Variants in NCAM2 observed in about 807,000 individuals in gnomAD.
NCAM2 encodes the protein N-CAM-2.
In NCAM2, 30 loss-of-function variants were observed where a neutral mutation model predicts 98.1. The observed-to-expected ratio is 0.31, with a 90% CI of 0.23 to 0.41. NCAM2 has a LOEUF of 0.41. Ranked by LOEUF, NCAM2 falls within the 10% of genes least tolerant of loss-of-function variation. NCAM2 has a pLI of 1.00. For missense variants in NCAM2, 867 were observed against 1,005.8 expected (o/e 0.86, Z 1.87); for synonymous variants, 368 against 342.4 (o/e 1.07, Z -0.83).
chr21:21,220,397 CG>C (rs1158260628), intron 1 of NCAM2, among the ~76,000 whole-genome samples: 1 of 151,934 alleles, frequency 6.6e-6, no homozygotes, highest in Non-Finnish European at 1.5e-5. Context: ...TGTAGTATTC[CG>C]TACAATAATA....
chr21:21,172,520 G>A (rs1290141410), intron 1 of NCAM2, among the ~76,000 whole-genome samples: 1 of 151,976 alleles, frequency 6.6e-6, no homozygotes. Context: ...CATGTACATT[G>A]CATATTGCAT....
rs1214721154 is a variant in NCAM2, at chr21:21,418,530, A to T, written c.1441A>T (p.Ile481Leu). Reference sequence around the variant, plus strand: ...CTATAATTGCACAGCCACTAATCATATAGGAACAAGATTTCAAGAATATAT... The same window carrying T: ...CTATAATTGCACAGCCACTAATCATTTAGGAACAAGATTTCAAGAATATAT... ...GRYNCTATNHIGTRFQEYILA... is the reference protein window; with the variant it reads ...GRYNCTATNHLGTRFQEYILA... The change falls in exon 11 of 18, where the codon ATA becomes TTA. Residue 481 changes from isoleucine to leucine, a missense_variant. Transcript: ENST00000400546. 6.2e-7 allele frequency: 1 copy of T among 1,612,480 alleles called. No individual in the cohort carries two copies. Among genetic ancestry groups the T allele is most frequent in the Non-Finnish European group, 8.5e-7 (1 of 1,178,676 alleles).
rs147226401 is a variant in NCAM2 at position 21,358,041 on chromosome 21, A to G, written c.1045-15822A>G. Among the ~76,000 whole-genome samples the G allele has an allele frequency of 4.7e-4, 71 of 152,274 alleles. No homozygotes were observed. In the Middle Eastern group the frequency reaches 0.017, roughly 36 times the overall value. On this transcript the variant is annotated intron_variant, in intron 8 of 17. Transcript: ENST00000400546. Reference sequence around the variant, plus strand: ...GAATTTGCAACAGAGATTATAGATAATAGCATGCATTACATTCCAAACAAG... The same window carrying G: ...GAATTTGCAACAGAGATTATAGATAGTAGCATGCATTACATTCCAAACAAG...
intron 1 of NCAM2, among the ~76,000 whole-genome samples, chr21:21,238,909 G>C (rs533034785): frequency 6.6e-6 from 1 of 152,104 alleles, no homozygotes; most frequent in Non-Finnish European, 1.5e-5. Context: ...TCTTCTCAGA[G>C]CAATTCCCCT....
intron 11 of NCAM2, among the ~76,000 whole-genome samples, chr21:21,422,374 G>A (rs1295587108): frequency 1.3e-5 from 2 of 152,014 alleles, no homozygotes; most frequent in African/African-American, 4.8e-5. Context: ...TCTAGTGATG[G>A]ATACACTAAA....
chr21:21,298,378 T>A (rs895995631), intron 5 of NCAM2, among the ~76,000 whole-genome samples: 2 of 44 alleles, frequency 0.045, no homozygotes, highest in African/African-American at 0.14. Context: ...TAATATACAA[T>A]ATATAAATTT....
rs189620246 is a variant in NCAM2, at chr21:21,040,102, C to A, written c.55+41484C>A. 1.4e-3 allele frequency among the ~76,000 whole-genome samples: 209 copies of A among 152,258 alleles called. 1 individual carries two copies. Among genetic ancestry groups the A allele is most frequent in the African/African-American group, 5.0e-3 (208 of 41,546 alleles). ...TTCTGTCATACCACAACGTTATTTACTCCTCTTACTAGGCTAACAGCTGCC... is the reference window on the plus strand; with the variant it reads ...TTCTGTCATACCACAACGTTATTTAATCCTCTTACTAGGCTAACAGCTGCC... On this transcript the variant is annotated intron_variant, in intron 1 of 17. Coordinates refer to ENST00000400546, the MANE Select transcript of NCAM2 (RefSeq NM_004540.5).
chr21:21,531,923 C>T (rs1361981016), intron 16 of NCAM2, among the ~76,000 whole-genome samples: 39 of 166 alleles, frequency 0.23, 1 homozygote, highest in African/African-American at 0.37. Context: ...AACCCAGGAG[C>T]GGAGCTTGGC....
intron 1 of NCAM2, among the ~76,000 whole-genome samples, chr21:21,082,101 G>A (rs1282476254): frequency 8.6e-5 from 13 of 151,118 alleles, no homozygotes; most frequent in African/African-American, 2.4e-4. Context: ...GGTGGCAGGC[G>A]CATGTAGTCC....
chr21:21,484,308 C>T (rs1569109657), intron 15 of NCAM2, among the ~76,000 whole-genome samples: 1 of 152,036 alleles, frequency 6.6e-6, no homozygotes, highest in East Asian at 1.9e-4. Flanking sequence ...TTGTTAATGA[C>T]TTTGTGTAAA....
intron 1 of NCAM2, among the ~76,000 whole-genome samples, chr21:21,106,159 T>A (rs773146499): frequency 7.3e-5 from 11 of 151,580 alleles, no homozygotes; most frequent in Non-Finnish European, 1.5e-4. Flanking sequence ...ATTTAAAAAC[T>A]TAGTTGGGTG....
At chr21:21,265,791 C>T (rs1218869056) in intron 1 of NCAM2, among the ~76,000 whole-genome samples, 1 of 152,036 alleles carries the variant, frequency 6.6e-6, no homozygotes, top group South Asian at 2.1e-4. Context: ...GAATAATGAC[C>T]TACTGAGTAC....
intron 1 of NCAM2, among the ~76,000 whole-genome samples, chr21:21,140,424 G>T (rs2146651815): frequency 6.6e-6 from 1 of 151,930 alleles, no homozygotes; most frequent in East Asian, 1.9e-4. Flanking sequence ...AATAATTCTT[G>T]GTGAAAATAA....
At chr21:21,251,780 T>C (rs533985302) in intron 1 of NCAM2, among the ~76,000 whole-genome samples, 1 of 152,140 alleles carries the variant, frequency 6.6e-6, no homozygotes, top group South Asian at 2.1e-4. Flanking sequence ...TTTAAGTTTC[T>C]TTTAGATTCT....
At chr21:21,041,658 G>A (rs2064907223) in intron 1 of NCAM2, among the ~76,000 whole-genome samples, 1 of 152,116 alleles carries the variant, frequency 6.6e-6, no homozygotes, top group Non-Finnish European at 1.5e-5. Flanking sequence ...AATATTTTGA[G>A]TTTTTCACAA....
At chr21:21,297,430 A>G (rs1343466394) in intron 5 of NCAM2, among the ~76,000 whole-genome samples, 1 of 151,764 alleles carries the variant, frequency 6.6e-6, no homozygotes, top group Non-Finnish European at 1.5e-5. Flanking sequence ...CTTTCTGTTC[A>G]TGAACCTCTG....
chr21:21,517,868 A>G (rs1386890814), intron 16 of NCAM2, among the ~76,000 whole-genome samples: 1 of 152,110 alleles, frequency 6.6e-6, no homozygotes, highest in Non-Finnish European at 1.5e-5. Context: ...AAGTAAAATA[A>G]AACTTTATCA....
intron 5 of NCAM2, among the ~76,000 whole-genome samples, chr21:21,302,782 C>CA (rs1332808429): frequency 1.3e-5 from 2 of 151,962 alleles, no homozygotes; most frequent in East Asian, 3.9e-4. Flanking sequence ...ATCATTATAC[C>CA]AAAAAGGCAT....
At chr21:21,118,302 T>C (rs1348608546) in intron 1 of NCAM2, among the ~76,000 whole-genome samples, 1 of 152,032 alleles carries the variant, frequency 6.6e-6, no homozygotes, top group Non-Finnish European at 1.5e-5. Flanking sequence ...TCCTAACGAG[T>C]TATTTATTAC....
Sources: gnomAD v4.1 joint callset for allele counts (sites outside exome capture counted in the v4.1 genomes callset) on GRCh38, gnomAD v4.1.1 for gene constraint, MANE v1.5 for transcripts, NCBI Gene and HGNC (gene_info 2026-07-23, HGNC 2026-07-21) for gene names.